The following PHTF1 variants were observed in gnomAD, a reference collection of about 807,000 sequenced individuals.
PHTF1 encodes the protein putative homeodomain transcription factor 1, also known as protein PHTF1.
PHTF1 carries 88 observed loss-of-function variants against 102.4 expected under a neutral mutation model. That is an observed-to-expected ratio of 0.86 (90% CI 0.72 to 1.03). The LOEUF (loss-of-function observed/expected upper bound fraction) is 1.03. PHTF1 is among the 50% of genes least tolerant of loss of function. The pLI is 0.00. For synonymous variants in PHTF1, 289 were observed against 305.2 expected, an observed-to-expected ratio of 0.95 and a Z score of 0.55; for missense variants, 814 against 909.5, an observed-to-expected ratio of 0.89 and a Z score of 1.35.
chr1:113,710,122 T>C, intron 11 of PHTF1, 132 bp downstream of exon 11: 1 of 685,770 alleles, frequency 1.5e-6, no homozygotes, highest in Non-Finnish European at 2.5e-6. Flanking sequence ...CTCAGTTTCC[T>C]CACCTCTAAA....
chr1:113,720,293 A>G (rs1253131712), intron 7 of PHTF1, among the ~76,000 whole-genome samples: 1 of 152,162 alleles, frequency 6.6e-6, no homozygotes, highest in Non-Finnish European at 1.5e-5. Flanking sequence ...CAGATACATA[A>G]AGCAAATATT....
rs887517110 is a variant in PHTF1 at position 113,715,972 on chromosome 1, AT to A, written c.624-2535del. ...GAAACACACCTAAAAGATCTGGAAA[AT>A]AGCCTCAAAACAGCAAATCTAAGAG... is the stretch of plus-strand genomic sequence containing the variant. On this transcript the variant is annotated intron_variant, in intron 7 of 18. Transcript: ENST00000369604. Among the ~76,000 whole-genome samples the A allele has an allele frequency of 1.1e-4, 16 of 152,094 alleles. 1 individual carries two copies. Among genetic ancestry groups the A allele is most frequent in the Non-Finnish European group, 1.5e-5 (1 of 68,028 alleles).
intron 7 of PHTF1, among the ~76,000 whole-genome samples, 159 bp downstream of exon 7, chr1:113,724,600 A>G (rs1440855713): frequency 1.3e-5 from 2 of 152,132 alleles, no homozygotes; most frequent in African/African-American, 4.8e-5. Context: ...ACAGGTAACA[A>G]AACAGACAGT....
intron 17 of PHTF1, chr1:113,698,751 A>G (rs1356059277): frequency 4.8e-6 from 1 of 209,700 alleles, no homozygotes; most frequent in African/African-American, 2.4e-5. Flanking sequence ...ATTAACCCAA[A>G]ACCATCAGGT....
At chr1:113,733,386 T>C (rs1300501380) in intron 5 of PHTF1, among the ~76,000 whole-genome samples, 1 of 151,978 alleles carries the variant, frequency 6.6e-6, no homozygotes, top group African/African-American at 2.4e-5. Flanking sequence ...ATAAATAATA[T>C]AAAATAAGGA....
chr1:113,756,540 TTAAG>T (rs1185446931), intron 3 of PHTF1, among the ~76,000 whole-genome samples: 1 of 152,124 alleles, frequency 6.6e-6, no homozygotes, highest in Non-Finnish European at 1.5e-5. Context: ...TCCATAAGAT[TTAAG>T]TAAGTATTAA....
At chr1:113,743,039 C>T (rs1656669499) in intron 3 of PHTF1, among the ~76,000 whole-genome samples, 1 of 152,098 alleles carries the variant, frequency 6.6e-6, no homozygotes, top group Admixed American at 6.6e-5. Context: ...GTCTCAAACT[C>T]CTGGTCTCAA....
chr1:113,756,825 CA>C (rs1658952536), intron 3 of PHTF1, among the ~76,000 whole-genome samples: 1 of 152,148 alleles, frequency 6.6e-6, no homozygotes, highest in Admixed American at 6.5e-5. Context: ...AGAATCCTCT[CA>C]GTTCTAAGAG....
chr1:113,750,786 G>A (rs1242536491), intron 3 of PHTF1, among the ~76,000 whole-genome samples: 1 of 151,658 alleles, frequency 6.6e-6, no homozygotes, highest in Non-Finnish European at 1.5e-5. Flanking sequence ...AACCTGGGAG[G>A]CGGAAGTTGC....
intron 7 of PHTF1, chr1:113,713,723 T>A: frequency 3.3e-6 from 1 of 306,224 alleles, no homozygotes; most frequent in South Asian, 3.6e-5. Context: ...CTCCACATCT[T>A]CTCAGACACA....
chr1:113,706,495 G>T, intron 12 of PHTF1, 99 bp downstream of exon 12: 2 of 836,666 alleles, frequency 2.4e-6, no homozygotes, highest in Non-Finnish European at 1.8e-6. Context: ...TGCTTCAAAA[G>T]CAGAGTCATA....
rs530073492 is a variant in PHTF1, at chr1:113,744,807, G to C, written c.103-6008C>G. On this transcript the variant is annotated intron_variant, in intron 3 of 18. Transcript: ENST00000369604. ...TACTAAAATGCCAAAAATTAGCCGGGAGTAGCTGCTATGAGCCTGTAGTCC... is the reference window on the plus strand; with the variant it reads ...TACTAAAATGCCAAAAATTAGCCGGCAGTAGCTGCTATGAGCCTGTAGTCC... Among the ~76,000 whole-genome samples, 5 of 152,216 alleles carry C rather than the reference G, an allele frequency of 3.3e-5. No individual in the cohort carries two copies. In the South Asian group the frequency reaches 1.0e-3, roughly 32 times the overall value.
At chr1:113,754,362 G>A (rs1286495785) in intron 3 of PHTF1, among the ~76,000 whole-genome samples, 2 of 150,858 alleles carry the variant, frequency 1.3e-5, no homozygotes, top group African/African-American at 4.9e-5. Flanking sequence ...AGTGAGCTGT[G>A]TTCATGCCAC....
intron 7 of PHTF1, among the ~76,000 whole-genome samples, chr1:113,715,797 G>T (rs532741473): frequency 1.3e-5 from 2 of 150,568 alleles, no homozygotes; most frequent in Admixed American, 1.3e-4. Flanking sequence ...AACAAATTCT[G>T]GAGCTGAAAA....
intron 3 of PHTF1, among the ~76,000 whole-genome samples, chr1:113,753,257 T>C (rs1386661405): frequency 6.6e-6 from 1 of 152,236 alleles, no homozygotes; most frequent in East Asian, 1.9e-4. Flanking sequence ...AGGGTAATAC[T>C]AGTCTCATAG....
chr1:113,698,888 G>C (rs935036070), intron 17 of PHTF1: 1 of 161,122 alleles, frequency 6.2e-6, no homozygotes, highest in African/African-American at 2.4e-5. Flanking sequence ...CCACATGGTG[G>C]CCATAGCTAG....
At position 113,697,388 on chromosome 1, in the gene PHTF1, G is replaced by T; in HGVS notation, c.*317C>A. On this transcript the variant is annotated 3_prime_UTR_variant, in exon 19 of 19. Transcript: ENST00000369604. ...CTATCATAGTTGCCCAAAAGACTAT[G>T]TCCAGTAAACATAACTGTCACAGTA... 1 of 245,706 alleles carries T rather than the reference G, an allele frequency of 4.1e-6. No homozygotes were observed. Among genetic ancestry groups the T allele is most frequent in the Non-Finnish European group, 7.9e-6 (1 of 127,154 alleles). The allele number at this position is 245,706 out of a possible 1,614,324, so 15.2% of individuals were successfully genotyped here. A position where few individuals can be genotyped will look rare whatever the true frequency, so the allele number is the denominator to read the frequency against.
chr1:113,736,847 G>C (rs1017303486), intron 5 of PHTF1, among the ~76,000 whole-genome samples: 1 of 152,190 alleles, frequency 6.6e-6, no homozygotes, highest in Non-Finnish European at 1.5e-5. Context: ...TGATGTCTGA[G>C]AGAAGAGCAG....
rs1658571666 is a variant in PHTF1 at position 113,754,583 on chromosome 1, C to A, written c.102+3116G>T. Reference sequence around the variant, plus strand: ...GTTTTACTTTGGTTGATTACATTTTCTTTCTCTAGATTCTTCAATATTAAT... The same window carrying A: ...GTTTTACTTTGGTTGATTACATTTTATTTCTCTAGATTCTTCAATATTAAT... On this transcript the variant is annotated intron_variant, in intron 3 of 18. Transcript: ENST00000369604. Among the ~76,000 whole-genome samples the A allele has an allele frequency of 2.0e-5, 3 of 151,988 alleles. No homozygotes were observed. The South Asian group carries it at 6.2e-4, about 32-fold the overall frequency.
Sources: allele counts gnomAD v4.1 joint callset (sites outside exome capture counted in the v4.1 genomes callset), GRCh38; gene constraint gnomAD v4.1.1; transcripts MANE v1.5; gene names NCBI Gene and HGNC (gene_info 2026-07-23, HGNC 2026-07-21).